ROBO2: variants seen among roughly 807,000 people sequenced by gnomAD.
The protein encoded by ROBO2 is roundabout guidance receptor 2.
A neutral mutation model predicts 160.8 loss-of-function variants in ROBO2; 53 were observed. The observed-to-expected ratio is 0.33, with a 90% CI of 0.26 to 0.41. The LOEUF (loss-of-function observed/expected upper bound fraction) is 0.41. Among genes scored for constraint, ROBO2 ranks in the 10% least tolerant of loss-of-function variants. The pLI, the probability that ROBO2 is intolerant of heterozygous loss-of-function variation, is 1.00. For missense variants in ROBO2, 1,577 were observed against 1,722.4 expected, an observed-to-expected ratio of 0.92 and a Z score of 1.49; for synonymous variants, 664 against 611.7, an observed-to-expected ratio of 1.09 and a Z score of -1.26.
intron 2 of ROBO2, among the ~76,000 whole-genome samples, chr3:76,001,270 T>G (rs1474392198): frequency 6.6e-6 from 1 of 152,234 alleles, no homozygotes; most frequent in African/African-American, 2.4e-5. Flanking sequence ...CCCGTTTTTA[T>G]GTTATTGCTA....
chr3:76,644,458 C>T (rs796439256), intron 2 of ROBO2, among the ~76,000 whole-genome samples: 1 of 152,078 alleles, frequency 6.6e-6, no homozygotes, highest in Non-Finnish European at 1.5e-5. Context: ...TGCGCTGGGC[C>T]CTCTGGGTTC....
intron 2 of ROBO2, among the ~76,000 whole-genome samples, chr3:76,655,710 A>AAGGGAGGAAGGGAGAAAGGG (rs1278932302): frequency 1.4e-5 from 2 of 144,854 alleles, no homozygotes; most frequent in Admixed American, 6.9e-5. Context: ...ACAAGCAGGA[A>AAGGGAGGAAGGGAGAAAGGG]AGGGAGGAAG....
chr3:77,503,458 A>G (rs1343940993), intron 5 of ROBO2, among the ~76,000 whole-genome samples: 1 of 151,206 alleles, frequency 6.6e-6, no homozygotes, highest in East Asian at 1.9e-4. Context: ...CGGGAGGCAG[A>G]GCTTGCAGTG....
chr3:76,764,097 CAGA>C (rs1350992038), intron 2 of ROBO2, among the ~76,000 whole-genome samples: 2 of 151,706 alleles, frequency 1.3e-5, no homozygotes, highest in Non-Finnish European at 2.9e-5. Flanking sequence ...ACAGTAAAAT[CAGA>C]AGACCATTTG....
chr3:77,111,850 T>C (rs571162397), intron 2 of ROBO2, among the ~76,000 whole-genome samples: 7 of 152,282 alleles, frequency 4.6e-5, no homozygotes, highest in African/African-American at 1.7e-4. Context: ...GCTAAAATTA[T>C]GCATGGATTA....
At chr3:76,181,508 C>A (rs543374726) in intron 2 of ROBO2, among the ~76,000 whole-genome samples, 1 of 152,180 alleles carries the variant, frequency 6.6e-6, no homozygotes, top group Non-Finnish European at 1.5e-5. Context: ...AAAATGCAAG[C>A]AGCCTTACAA....
At chr3:77,093,525 C>T (rs2070621097) in intron 1 of ROBO2, among the ~76,000 whole-genome samples, 1 of 152,200 alleles carries the variant, frequency 6.6e-6, no homozygotes, top group Admixed American at 6.5e-5. Flanking sequence ...AAGCTACACC[C>T]CCAACCCCAC....
At chr3:77,502,883 C>A (rs1291939541) in intron 5 of ROBO2, among the ~76,000 whole-genome samples, 3 of 151,886 alleles carry the variant, frequency 2.0e-5, no homozygotes, top group African/African-American at 7.3e-5. Context: ...GGAACTAAGC[C>A]CCAGTGGATA....
At chr3:77,066,627 G>C (rs1338643382) in intron 1 of ROBO2, among the ~76,000 whole-genome samples, 1 of 152,054 alleles carries the variant, frequency 6.6e-6, no homozygotes, top group Non-Finnish European at 1.5e-5. Flanking sequence ...ATGTATAGAG[G>C]TATATATGTT....
rs1340044366 is a variant in ROBO2, at chr3:75,959,840, ATAT to A, written c.109+22247_109+22249del. On this transcript the variant is annotated intron_variant, in intron 2 of 26. Coordinates refer to the ROBO2 transcript ENST00000487694. ...TAAGCTACCTATGGAGGAAATATAA[ATAT>A]TATTATTACCTACTAATATTAATAT... Among the ~76,000 whole-genome samples the A allele has an allele frequency of 4.0e-5, 6 of 151,748 alleles. 1 individual carries two copies. The highest frequency in any genetic ancestry group is 4.1e-4 in the South Asian group (2 of 4,832).
intron 2 of ROBO2, among the ~76,000 whole-genome samples, chr3:77,219,432 G>GTATATA (rs1235543969): frequency 3.9e-5 from 3 of 76,774 alleles, no homozygotes; most frequent in African/African-American, 1.4e-4. Context: ...GTGTATGTGT[G>GTATATA]TGTATATATA....
intron 2 of ROBO2, among the ~76,000 whole-genome samples, chr3:76,389,566 A>G (rs936315925): frequency 6.6e-6 from 1 of 152,208 alleles, no homozygotes; most frequent in Non-Finnish European, 1.5e-5. Flanking sequence ...TCTTCAGCCT[A>G]TGTGCTCTGT....
Position 76,613,949 on chromosome 3 carries a change from AT to A in ROBO2, c.110-484056del, listed in dbSNP as rs200488284. On this transcript the variant is annotated intron_variant, in intron 2 of 26. Transcript: ENST00000487694. ...TGGTTTATTTCCAGTACCCTTATACATTTTTTTTTCATGGGTGTATGCATGC... is the reference window on the plus strand; with the variant it reads ...TGGTTTATTTCCAGTACCCTTATACATTTTTTTTCATGGGTGTATGCATGC... Among the ~76,000 whole-genome samples the A allele has an allele frequency of 1.7e-3, 258 of 151,158 alleles. 4 individuals carry two copies. The South Asian group carries it at 0.019, about 11-fold the overall frequency.
Position 77,542,145 on chromosome 3 carries a change from A to C in ROBO2, c.935-4193A>C, listed in dbSNP as rs146782795. On this transcript the variant is annotated intron_variant, in intron 6 of 25. Coordinates refer to ENST00000461745, the Ensembl canonical transcript of ROBO2. ...ACTGAAACTGTGGAGGGTTATTAGA[A>C]GAATTATTGATGCAGTTTTTCATTT... is the stretch of plus-strand genomic sequence containing the variant. 5.1e-4 allele frequency among the ~76,000 whole-genome samples: 77 copies of C among 152,328 alleles called. 1 individual carries two copies. The East Asian group carries it at 0.014, about 28-fold the overall frequency.
At chr3:76,974,245 T>C (rs1398139875) in intron 2 of ROBO2, among the ~76,000 whole-genome samples, 1 of 152,230 alleles carries the variant, frequency 6.6e-6, no homozygotes, top group Non-Finnish European at 1.5e-5. Context: ...CCTTGATACA[T>C]ATTACATTTG....
chr3:76,492,634 C>T (rs1269145095), intron 2 of ROBO2, among the ~76,000 whole-genome samples: 2 of 151,814 alleles, frequency 1.3e-5, no homozygotes, highest in African/African-American at 4.8e-5. Context: ...TATGGTCAAA[C>T]TTCTCAATGC....
intron 2 of ROBO2, among the ~76,000 whole-genome samples, chr3:76,482,246 T>C (rs2079251426): frequency 6.6e-6 from 1 of 152,108 alleles, no homozygotes; most frequent in Non-Finnish European, 1.5e-5. Flanking sequence ...AATATTTCCA[T>C]TTCAGAAAAA....
intron 2 of ROBO2, among the ~76,000 whole-genome samples, chr3:76,274,913 T>C (rs1012053327): frequency 2.0e-5 from 3 of 152,010 alleles, no homozygotes; most frequent in Non-Finnish European, 4.4e-5. Context: ...ATATACAGTC[T>C]AGTCAGTTTA....
At chr3:76,469,448 A>G (rs2078534533) in intron 2 of ROBO2, among the ~76,000 whole-genome samples, 1 of 152,078 alleles carries the variant, frequency 6.6e-6, no homozygotes, top group Non-Finnish European at 1.5e-5. Flanking sequence ...CCGTTTGATG[A>G]GTTCCACATC....
Sources: gnomAD v4.1 joint callset for allele counts (sites outside exome capture counted in the v4.1 genomes callset) on GRCh38, gnomAD v4.1.1 for gene constraint, MANE v1.5 for transcripts, NCBI Gene and HGNC (gene_info 2026-07-23, HGNC 2026-07-21) for gene names.